The following CNOT10 variants were observed in gnomAD, a reference collection of about 807,000 sequenced individuals.
CNOT10 encodes the protein CCR4-NOT transcription complex, subunit 10.
CNOT10 carries 30 observed loss-of-function variants against 94.6 expected under a neutral mutation model. The ratio of observed to expected loss-of-function variants is 0.32; its 90% CI spans 0.24 to 0.43. The LOEUF (loss-of-function observed/expected upper bound fraction) is 0.43. Among genes scored for constraint, CNOT10 ranks in the 20% least tolerant of loss-of-function variants. The probability of loss-of-function intolerance (pLI) is 1.00; values close to 1 mark genes in which losing one functional copy is unlikely to be tolerated. For synonymous variants in CNOT10, 289 were observed against 301.6 expected (o/e 0.96, Z 0.43); for missense variants, 759 against 877.2 (o/e 0.87, Z 1.70).
At chr3:32,729,704 A>G (rs188209456) in intron 10 of CNOT10, among the ~76,000 whole-genome samples, 5 of 151,586 alleles carry the variant, frequency 3.3e-5, no homozygotes, top group Admixed American at 6.6e-5. Context: ...TTAAAAGACA[A>G]CTTTCTTATT....
Position 32,704,877 on chromosome 3 carries a change from A to G in CNOT10, c.184A>G (p.Lys62Glu). ...ACAAGATATAAACAAAGATGATTAT[A>G]AAATAATTTTGAATACAGCAGTAGC... ...CLQDINKDDY[K>E]IILNTAVAEF... The change falls in exon 3 of 19, where the codon AAA (lysine) becomes GAA (glutamate). Residue 62 changes from lysine to glutamate, a missense_variant. By Grantham distance (56) the Lys-to-Glu change is moderately conservative. Around this residue, in one of 3 missense-constraint regions of CNOT10, gnomAD observed 682 missense variants for 799.4 expected, o/e 0.85. Coordinates refer to ENST00000328834, the MANE Select transcript of CNOT10 (RefSeq NM_015442.3). 1 of 1,577,552 alleles carries G rather than the reference A, an allele frequency of 6.3e-7. No homozygotes were observed. Among genetic ancestry groups the G allele is most frequent in the Non-Finnish European group, 8.5e-7 (1 of 1,169,592 alleles).
At chr3:32,714,405 C>CA (rs144272055) in intron 5 of CNOT10, among the ~76,000 whole-genome samples, 4,661 of 117,386 alleles carry the variant, frequency 0.04, 88 homozygotes, top group East Asian at 0.059. Context: ...TAAAGTTCTT[C>CA]AAAAAAAAAA....
At chr3:32,762,672 T>C in intron 14 of CNOT10, 61 bp from the exon 15 acceptor site, 1 of 1,513,336 alleles carries the variant, frequency 6.6e-7, no homozygotes, top group Non-Finnish European at 8.9e-7. Flanking sequence ...CAGCATTATT[T>C]TACATTGGGT....
At chr3:32,700,750 T>C (rs931352072) in intron 1 of CNOT10, among the ~76,000 whole-genome samples, 10 of 152,242 alleles carry the variant, frequency 6.6e-5, no homozygotes. Context: ...TTTGAAATTC[T>C]TTAAAGTCAT....
intron 8 of CNOT10, among the ~76,000 whole-genome samples, chr3:32,721,751 A>T (rs1698425086): frequency 6.7e-6 from 1 of 150,180 alleles, no homozygotes; most frequent in Non-Finnish European, 1.5e-5. Flanking sequence ...GGTTCGCGAC[A>T]TTCTCCTGCC....
At chr3:32,768,015 A>G (rs928175504) in intron 17 of CNOT10, among the ~76,000 whole-genome samples, 5 of 152,116 alleles carry the variant, frequency 3.3e-5, no homozygotes, top group Non-Finnish European at 7.4e-5. Context: ...GGTTAATCCA[A>G]TGGCTGGACC....
In CNOT10 at chr3:32,720,115, C is replaced by T; in HGVS notation, c.746C>T (p.Ser249Phe). The change falls in exon 8 of 19, where the codon TCC becomes TTC. Residue 249 changes from serine to phenylalanine, a missense_variant and splice_region_variant. Around this residue, in one of 3 missense-constraint regions of CNOT10, gnomAD observed 682 missense variants for 799.4 expected, o/e 0.85. Coordinates refer to ENST00000328834, the MANE Select transcript of CNOT10 (RefSeq NM_015442.3). ...GTAACTTTTATATTTTCTCTACAGT[C>T]CGCACCCTCTCTCTTTCTTAAAAGC... The part of the protein sequence containing the change: ...IKSVMNTAGN[S>F]APSLFLKSNF... 1 of 1,484,382 alleles carries T rather than the reference C, an allele frequency of 6.7e-7. No homozygotes were observed. The highest frequency in any genetic ancestry group is 9.2e-7 in the Non-Finnish European group (1 of 1,081,912). 92.0% of individuals were successfully genotyped at this position (1,484,382 alleles called of 1,614,324 possible). A position where few individuals can be genotyped will look rare whatever the true frequency, so the allele number is the denominator to read the frequency against.
chr3:32,696,055 C>G (rs1697050725), intron 1 of CNOT10, among the ~76,000 whole-genome samples: 1 of 149,226 alleles, frequency 6.7e-6, no homozygotes, highest in African/African-American at 2.5e-5. Flanking sequence ...GTGACTCATG[C>G]TGGTAATCCC....
intron 13 of CNOT10, among the ~76,000 whole-genome samples, chr3:32,747,922 C>G (rs1699774891): frequency 6.6e-6 from 1 of 152,002 alleles, no homozygotes; most frequent in Non-Finnish European, 1.5e-5. Flanking sequence ...CACTCCAGCC[C>G]AGCGACAGAG....
chr3:32,770,061 A>C, intron 18 of CNOT10, 99 bp downstream of exon 18: 1 of 884,928 alleles, frequency 1.1e-6, no homozygotes. Context: ...GCTGGAGTGC[A>C]GTGGTACCAT....
intron 1 of CNOT10, among the ~76,000 whole-genome samples, chr3:32,691,375 A>G (rs1208651142): frequency 6.6e-6 from 1 of 151,750 alleles, no homozygotes; most frequent in Non-Finnish European, 1.5e-5. Flanking sequence ...GTTAGCCAGG[A>G]TGGTCTCGAT....
At chr3:32,712,940 G>A (rs181939482) in intron 4 of CNOT10, among the ~76,000 whole-genome samples, 276 of 152,258 alleles carry the variant, frequency 1.8e-3, no homozygotes, top group Non-Finnish European at 3.1e-3. Context: ...GTTTCTTTCC[G>A]CCTAAAGTAA....
At chr3:32,750,195 CTG>C (rs1234250162) in intron 13 of CNOT10, among the ~76,000 whole-genome samples, 2 of 152,044 alleles carry the variant, frequency 1.3e-5, no homozygotes, top group African/African-American at 4.8e-5. Context: ...GAGCTAGACA[CTG>C]TGTCAAAAAA....
intron 1 of CNOT10, among the ~76,000 whole-genome samples, chr3:32,701,272 T>G (rs188841400): frequency 2.3e-4 from 7 of 30,638 alleles, no homozygotes; most frequent in African/African-American, 7.5e-4. Flanking sequence ...AAATGACTAA[T>G]ATTTACATTA....
At chr3:32,771,330 G>A (rs1204659199) in intron 18 of CNOT10, among the ~76,000 whole-genome samples, 1 of 152,094 alleles carries the variant, frequency 6.6e-6, no homozygotes, top group Non-Finnish European at 1.5e-5. Flanking sequence ...GCCGGGCACA[G>A]TGGCTCACGC....
intron 8 of CNOT10, among the ~76,000 whole-genome samples, chr3:32,721,465 C>T (rs1326083434): frequency 7.9e-6 from 1 of 127,014 alleles, no homozygotes; most frequent in African/African-American, 3.0e-5. Flanking sequence ...AGTGAATTAC[C>T]ATCTATACCA....
chr3:32,737,035 G>C (rs746613884), intron 12 of CNOT10, among the ~76,000 whole-genome samples: 4 of 152,148 alleles, frequency 2.6e-5, no homozygotes, highest in Admixed American at 6.6e-5. Flanking sequence ...ATGGGAGGCC[G>C]GGCGAGGTGA....
At chr3:32,741,997 C>T (rs1255656906) in intron 13 of CNOT10, among the ~76,000 whole-genome samples, 1 of 150,242 alleles carries the variant, frequency 6.7e-6, no homozygotes, top group African/African-American at 2.4e-5. Flanking sequence ...TATTTTTTTG[C>T]CAGGCTGGAG....
At chr3:32,762,410 C>G (rs1465189071) in intron 14 of CNOT10, among the ~76,000 whole-genome samples, 1 of 151,946 alleles carries the variant, frequency 6.6e-6, no homozygotes, top group Non-Finnish European at 1.5e-5. Context: ...GCTGAGACTA[C>G]AGGTGTATGC....
Sources: gnomAD v4.1 joint callset for allele counts (sites outside exome capture counted in the v4.1 genomes callset) on GRCh38, gnomAD v4.1.1 for gene constraint, gnomAD v4.1.1 regional missense constraint, MANE v1.5 for transcripts, NCBI Gene and HGNC (gene_info 2026-07-23, HGNC 2026-07-21) for gene names.